The following BRINP3 variants were observed in gnomAD, a reference collection of about 807,000 sequenced individuals.
The protein encoded by BRINP3 is BMP/retinoic acid-inducible neural-specific protein 3.
A neutral mutation model predicts 71.0 loss-of-function variants in BRINP3; 19 were observed. The ratio of observed to expected loss-of-function variants is 0.27; its 90% confidence interval spans 0.19 to 0.39. The LOEUF (loss-of-function observed/expected upper bound fraction) is 0.39, where lower values mean the gene tolerates loss of function less well. BRINP3 is among the 10% of genes least tolerant of loss of function. The probability of loss-of-function intolerance (pLI) is 1.00; values close to 1 mark genes in which losing one functional copy is unlikely to be tolerated. For missense variants in BRINP3, 959 were observed against 940.8 expected (o/e 1.02, Z -0.25); for synonymous variants, 380 against 337.7 (o/e 1.13, Z -1.37).
chr1:190,444,689 G>C (rs1186775530), intron 2 of BRINP3, among the ~76,000 whole-genome samples: 1 of 151,866 alleles, frequency 6.6e-6, no homozygotes, highest in Admixed American at 6.6e-5. Context: ...GCGCGCACCA[G>C]TATGCTCAGC....
At chr1:190,343,596 T>C in intron 2 of BRINP3, among the ~76,000 whole-genome samples, 1 of 151,740 alleles carries the variant, frequency 6.6e-6, no homozygotes, top group East Asian at 1.9e-4. Context: ...ATTTTTACTT[T>C]TATTATTATC....
At chr1:190,265,148 A>G (rs2102875865) in intron 3 of BRINP3, 93 bp from the exon 4 acceptor site, 3 of 1,139,548 alleles carry the variant, frequency 2.6e-6, no homozygotes, top group Non-Finnish European at 3.7e-6. Context: ...TTATGAATAT[A>G]GTAAAACAAA....
intron 2 of BRINP3, among the ~76,000 whole-genome samples, chr1:190,352,799 C>T (rs1279686399): frequency 6.6e-6 from 1 of 151,626 alleles, no homozygotes; most frequent in African/African-American, 2.4e-5. Context: ...GAAAATACTA[C>T]CATAATTTTT....
At chr1:190,292,900 T>G (rs971854561) in intron 2 of BRINP3, among the ~76,000 whole-genome samples, 1 of 152,072 alleles carries the variant, frequency 6.6e-6, no homozygotes, top group South Asian at 2.1e-4. Context: ...TAATGTCTTC[T>G]TTTTATCTGT....
intron 3 of BRINP3, among the ~76,000 whole-genome samples, chr1:190,270,448 T>C (rs543802179): frequency 6.6e-5 from 10 of 151,654 alleles, no homozygotes; most frequent in Admixed American, 5.9e-4. Context: ...ATAAGTGACT[T>C]AAGAACACAT....
At chr1:190,469,830 A>G (rs942423393) in intron 1 of BRINP3, among the ~76,000 whole-genome samples, 1 of 151,088 alleles carries the variant, frequency 6.6e-6, no homozygotes, top group African/African-American at 2.4e-5. Context: ...ATTATATAGA[A>G]CCCAATCATA....
intron 4 of BRINP3, among the ~76,000 whole-genome samples, chr1:190,241,941 A>T (rs919282159): frequency 4.6e-5 from 7 of 151,654 alleles, no homozygotes; most frequent in Non-Finnish European, 8.8e-5. Flanking sequence ...TTCAAATGTT[A>T]ATATTGAGTT....
intron 6 of BRINP3, among the ~76,000 whole-genome samples, chr1:190,185,558 C>T (rs1442628049): frequency 6.6e-6 from 1 of 152,042 alleles, no homozygotes; most frequent in Non-Finnish European, 1.5e-5. Context: ...GCTAAGCTGG[C>T]ACAGAAATCT....
At chr1:190,396,484 T>C (rs2102332401) in intron 2 of BRINP3, among the ~76,000 whole-genome samples, 1 of 151,254 alleles carries the variant, frequency 6.6e-6, no homozygotes, top group South Asian at 2.1e-4. Context: ...CTTCAAAAAC[T>C]AGGAATCTAT....
chr1:190,420,538 A>G (rs1372095508), intron 2 of BRINP3, among the ~76,000 whole-genome samples: 2 of 151,960 alleles, frequency 1.3e-5, no homozygotes, highest in Non-Finnish European at 2.9e-5. Context: ...TTCACAAAAA[A>G]TGTCCACTAT....
intron 5 of BRINP3, among the ~76,000 whole-genome samples, chr1:190,230,944 A>C (rs1221853698): frequency 1.3e-5 from 2 of 151,496 alleles, no homozygotes; most frequent in Non-Finnish European, 3.0e-5. Flanking sequence ...AAATGTAAAT[A>C]TGTATACATA....
chr1:190,273,962 A>G (rs1662335029), intron 3 of BRINP3, among the ~76,000 whole-genome samples: 1 of 151,662 alleles, frequency 6.6e-6, no homozygotes, highest in Non-Finnish European at 1.5e-5. Flanking sequence ...AACAACTATG[A>G]GCAGTTCATG....
chr1:190,408,501 C>T (rs1331935893), intron 2 of BRINP3, among the ~76,000 whole-genome samples: 2 of 152,022 alleles, frequency 1.3e-5, no homozygotes, highest in Non-Finnish European at 2.9e-5. Flanking sequence ...GAGAATTGAA[C>T]TATACTCTTT....
chr1:190,287,162 G>A (rs1663493282), intron 2 of BRINP3, among the ~76,000 whole-genome samples: 1 of 152,114 alleles, frequency 6.6e-6, no homozygotes, highest in African/African-American at 2.4e-5. Context: ...GGAGGCAGAG[G>A]TTGCAGTGAG....
At chr1:190,349,508 G>A (rs997912479) in intron 2 of BRINP3, among the ~76,000 whole-genome samples, 11 of 152,082 alleles carry the variant, frequency 7.2e-5, no homozygotes, top group African/African-American at 1.4e-4. Context: ...TTGACAATGT[G>A]CTTTCTATTA....
chr1:190,128,729 C>G (rs781235730), intron 7 of BRINP3, among the ~76,000 whole-genome samples: 1 of 151,652 alleles, frequency 6.6e-6, no homozygotes, highest in Non-Finnish European at 1.5e-5. Flanking sequence ...TTGCCTTTAC[C>G]TATGCACGAA....
chr1:190,391,921 C>T (rs1247109717), intron 2 of BRINP3, among the ~76,000 whole-genome samples: 1 of 151,724 alleles, frequency 6.6e-6, no homozygotes, highest in East Asian at 1.9e-4. Flanking sequence ...CAAAAGCCAT[C>T]ATTTTTGGTT....
intron 7 of BRINP3, among the ~76,000 whole-genome samples, chr1:190,119,118 G>A (rs1301285140): frequency 2.0e-5 from 3 of 151,982 alleles, no homozygotes; most frequent in African/African-American, 7.2e-5. Flanking sequence ...TAAATAAAAA[G>A]ATTGCATTCA....
intron 6 of BRINP3, among the ~76,000 whole-genome samples, chr1:190,182,500 A>C (rs977431061): frequency 6.6e-6 from 1 of 151,956 alleles, no homozygotes; most frequent in Non-Finnish European, 1.5e-5. Context: ...TTTAGTTACA[A>C]TTTTTACTTT....
Sources: gnomAD v4.1 joint callset for allele counts (sites outside exome capture counted in the v4.1 genomes callset) on GRCh38, gnomAD v4.1.1 for gene constraint, MANE v1.5 for transcripts, NCBI Gene and HGNC (gene_info 2026-07-23, HGNC 2026-07-21) for gene names.